Variants in CIITA observed in about 807,000 individuals in gnomAD.
CIITA encodes class II major histocompatibility complex transactivator, also known as MHC class II transactivator.
CIITA carries 72 observed loss-of-function variants against 115.1 expected under a neutral mutation model. The ratio of observed to expected loss-of-function variants is 0.63; its 90% CI spans 0.52 to 0.76. The LOEUF is 0.76. Ranked by LOEUF, CIITA falls within the 30% of genes least tolerant of loss-of-function variation. The probability of loss-of-function intolerance (pLI) is 0.00; values close to 1 mark genes in which losing one functional copy is unlikely to be tolerated. For missense variants in CIITA, 1,617 were observed against 1,463.8 expected (o/e 1.10, Z -1.71); for synonymous variants, 763 against 635.6 (o/e 1.20, Z -3.02).
rs2040237599 is a variant in CIITA, at chr16:10,920,945, C to T, written c.3150-1222C>T. 6.6e-6 allele frequency among the ~76,000 whole-genome samples: 1 copy of T among 152,108 alleles called. No homozygotes were observed. Among genetic ancestry groups the T allele is most frequent in the Non-Finnish European group, 1.5e-5 (1 of 68,022 alleles). Reference sequence around the variant, plus strand: ...AAGGCTGGAGTGCAGTCTCAGTTCACTGCAACTCCGCCTCCCGAGTTCAAG... The same window carrying T: ...AAGGCTGGAGTGCAGTCTCAGTTCATTGCAACTCCGCCTCCCGAGTTCAAG... On this transcript the variant is annotated intron_variant, in intron 16 of 19. Transcript: ENST00000324288. This position sits in a 1 kb window ranked among gnomAD's most constrained non-coding sequence, Gnocchi z 4.5.
intron 13 of CIITA, among the ~76,000 whole-genome samples, chr16:10,910,863 C>T (rs1310671580): frequency 1.3e-5 from 2 of 152,254 alleles, no homozygotes; most frequent in Admixed American, 6.5e-5. Flanking sequence ...ATCTTTCCCC[C>T]ATTTTGAAAT....
At chr16:10,908,823 A>T (rs2039355734) in intron 11 of CIITA, 1 of 703,042 alleles carries the variant, frequency 1.4e-6, no homozygotes, top group African/African-American at 1.8e-5. Flanking sequence ...AGCCGAAGCA[A>T]AAAGGGAAAG....
At chr16:10,877,148 C>A, upstream of CIITA, 1 of 670,740 alleles carries the variant, frequency 1.5e-6, no homozygotes, top group African/African-American at 1.8e-5. Context: ...TGATCCCTCA[C>A]TTGTTTCTTT....
upstream of CIITA, among the ~76,000 whole-genome samples, chr16:10,874,968 C>CTT (rs376754614): frequency 6.6e-6 from 1 of 151,348 alleles, no homozygotes; most frequent in African/African-American, 2.4e-5. Flanking sequence ...GAATTTCTTT[C>CTT]TTTTTTTTTC....
At chr16:10,915,752 G>A (rs2039908927) in intron 14 of CIITA, 102 bp downstream of exon 14, 2 of 1,043,686 alleles carry the variant, frequency 1.9e-6, no homozygotes, top group South Asian at 1.3e-5. Context: ...TAGTCCTCCT[G>A]CCTCAGCCTC....
At chr16:10,915,476 C>T in intron 13 of CIITA, 94 bp from the exon 14 acceptor site, 1 of 982,488 alleles carries the variant, frequency 1.0e-6, no homozygotes, top group East Asian at 2.4e-5. Flanking sequence ...TCAGACAGGA[C>T]CTGACTTCTG....
rs1240511571 is a variant in CIITA, at chr16:10,901,139, AACC to A, written c.437-368_437-366del. Among the ~76,000 whole-genome samples the A allele has an allele frequency of 3.3e-5, 5 of 152,302 alleles. No individual in the cohort carries two copies. Among genetic ancestry groups the A allele is most frequent in the Non-Finnish European group, 7.4e-5 (5 of 68,024 alleles). ...TTCTGGCATACTCCTGCAATGTAGG[AACC>A]ACCACCCCCATTTCATAGATGTGAG... On this transcript the variant is annotated intron_variant, in intron 5 of 19. Coordinates refer to ENST00000324288, the MANE Select transcript of CIITA (RefSeq NM_000246.4). The surrounding 1 kb of genome is among the most constrained non-coding windows in gnomAD (Gnocchi z 6.8).
At chr16:10,910,655 G>C (rs944026670) in intron 13 of CIITA, among the ~76,000 whole-genome samples, 3 of 152,230 alleles carry the variant, frequency 2.0e-5, no homozygotes, top group African/African-American at 7.2e-5. Flanking sequence ...TGAGTGGGGA[G>C]AGGGGAGTAA....
Position 10,922,736 on chromosome 16 carries a change from G to T in CIITA, c.3317+246G>T, listed in dbSNP as rs116882824. Among the ~76,000 whole-genome samples, 162 of 152,268 alleles carry T rather than the reference G, an allele frequency of 1.1e-3. No individual in the cohort carries two copies. The East Asian group carries it at 0.028, about 26-fold the overall frequency. On this transcript the variant is annotated intron_variant, in intron 18 of 19. Coordinates refer to ENST00000324288, the MANE Select transcript of CIITA (RefSeq NM_000246.4). ...AAAGCTCTTATAACAACAGTAGCTG[G>T]CACACAAAAATGCCAATAAATGCTA...
At chr16:10,889,588 T>G (rs1266192857) in intron 1 of CIITA, among the ~76,000 whole-genome samples, 1 of 151,990 alleles carries the variant, frequency 6.6e-6, no homozygotes, top group Non-Finnish European at 1.5e-5. Context: ...GGCGCAGTCT[T>G]GGTTCACTGC....
chr16:10,867,022 G>C (rs1157914942), intron 1 of CIITA, among the ~76,000 whole-genome samples: 1 of 152,160 alleles, frequency 6.6e-6, no homozygotes, highest in Non-Finnish European at 1.5e-5. Flanking sequence ...AAGGCAGGTG[G>C]ATCACCTGAG....
At chr16:10,895,471 C>A (rs762001031) in intron 2 of CIITA, 43 bp downstream of exon 2, 8 of 1,610,164 alleles carry the variant, frequency 5.0e-6, no homozygotes, top group South Asian at 4.4e-5. Context: ...TCCCCCACCC[C>A]TCAGCTTGCT....
rs2039244073 is a variant in CIITA, at chr16:10,907,401, C to T, written c.1909C>T (p.Leu637Phe). 1 of 1,613,270 alleles carries T rather than the reference C, an allele frequency of 6.2e-7. No individual in the cohort carries two copies. The highest frequency in any genetic ancestry group is 8.5e-7 in the Non-Finnish European group (1 of 1,179,938). Reference sequence around the variant, plus strand: ...GGAGGACGCCAAGCTGCCCTCCACGCTCACGGGACTCTATGTCGGCCTGCT... The same window carrying T: ...GGAGGACGCCAAGCTGCCCTCCACGTTCACGGGACTCTATGTCGGCCTGCT... ...LGEDAKLPST[L>F]TGLYVGLLGR... The change falls in exon 11 of 20, where the codon CTC (leucine) becomes TTC (phenylalanine). Residue 637 changes from leucine to phenylalanine, a missense_variant. Coordinates refer to ENST00000324288, the MANE Select transcript of CIITA (RefSeq NM_000246.4). The surrounding 1 kb of genome is among the most constrained non-coding windows in gnomAD (Gnocchi z 5.0).
At chr16:10,893,883 C>G (rs1201784017) in intron 1 of CIITA, among the ~76,000 whole-genome samples, 1 of 147,072 alleles carries the variant, frequency 6.8e-6, no homozygotes, top group Non-Finnish European at 1.5e-5. Flanking sequence ...GTGTGACCAT[C>G]TCCCATCCCC....
chr16:10,888,413 G>A (rs2037175984), intron 1 of CIITA: 1 of 152,238 alleles, frequency 6.6e-6, no homozygotes, highest in Non-Finnish European at 1.5e-5. Flanking sequence ...CACCAGCTGA[G>A]ATGGAACGTT....
intron 1 of CIITA, among the ~76,000 whole-genome samples, chr16:10,886,559 G>A (rs559007973): frequency 3.3e-5 from 5 of 152,288 alleles, no homozygotes; most frequent in African/African-American, 1.2e-4. Flanking sequence ...ATGCCAGGTC[G>A]TTCTCCAGAG....
At position 10,879,235 on chromosome 16, in the gene CIITA, G is replaced by A. The variant is rs2143545239; in HGVS notation, c.52+1853G>A. On this transcript the variant is annotated intron_variant, in intron 1 of 19. Coordinates refer to ENST00000324288, the MANE Select transcript of CIITA (RefSeq NM_000246.4). The surrounding 1 kb of genome is among the most constrained non-coding windows in gnomAD (Gnocchi z 4.3). ...GACTCTGCGCGGGAACCAGGAGCCG[G>A]GAACCCGGAGCTTGGCTTGCTGTGC... Among the ~76,000 whole-genome samples the A allele has an allele frequency of 6.6e-6, 1 of 152,306 alleles. No homozygotes were observed. The highest frequency in any genetic ancestry group is 6.5e-5 in the Admixed American group (1 of 15,306).
chr16:10,910,293 C>A, intron 13 of CIITA, 34 bp downstream of exon 13: 1 of 1,591,322 alleles, frequency 6.3e-7, no homozygotes. Flanking sequence ...TGTGGGTCTG[C>A]GCAAGGTTTC....
At chr16:10,886,158 A>G (rs1292738217) in intron 1 of CIITA, among the ~76,000 whole-genome samples, 1 of 150,946 alleles carries the variant, frequency 6.6e-6, no homozygotes, top group Non-Finnish European at 1.5e-5. Flanking sequence ...GGCTGGTCTC[A>G]AACTCCTGAC....
Sources: gnomAD v4.1 joint callset for allele counts (sites outside exome capture counted in the v4.1 genomes callset) on GRCh38, gnomAD v4.1.1 for gene constraint, Gnocchi (gnomAD v3.1) non-coding constraint, MANE v1.5 for transcripts, NCBI Gene and HGNC (gene_info 2026-07-23, HGNC 2026-07-21) for gene names.